Variants in KCNC2 observed in about 807,000 individuals in gnomAD.
KCNC2 encodes the protein voltage-gated potassium channel KCNC2.
KCNC2 carries 21 observed loss-of-function variants against 44.5 expected under a neutral mutation model. The observed-to-expected ratio is 0.47, with a 90% CI of 0.33 to 0.68. The LOEUF (loss-of-function observed/expected upper bound fraction) is 0.68. KCNC2 is among the 30% of genes least tolerant of loss of function. KCNC2 has a pLI of 0.01. For missense variants in KCNC2, 589 were observed against 826.2 expected (o/e 0.71, Z 3.52); for synonymous variants, 391 against 339.1 (o/e 1.15, Z -1.68).
chr12:75,142,858 A>G (rs1889752194), intron 2 of KCNC2, among the ~76,000 whole-genome samples: 1 of 152,220 alleles, frequency 6.6e-6, no homozygotes, highest in South Asian at 2.1e-4. Flanking sequence ...CTATAGCCAC[A>G]AGTCCGCCTG....
chr12:75,149,577 A>G (rs1488764769), intron 2 of KCNC2, among the ~76,000 whole-genome samples: 1 of 151,870 alleles, frequency 6.6e-6, no homozygotes, highest in Non-Finnish European at 1.5e-5. Flanking sequence ...TCTGTCCACA[A>G]ACATTTTAGT....
chr12:75,062,041 T>C (rs190723836), intron 2 of KCNC2, among the ~76,000 whole-genome samples: 6 of 152,210 alleles, frequency 3.9e-5, no homozygotes, highest in Admixed American at 2.6e-4. Context: ...ATAACAATAG[T>C]AATAATAACA....
At position 75,100,181 on chromosome 12, in the gene KCNC2, GT is replaced by G. The variant is rs1161597384; in HGVS notation, c.688-48865del. Among the ~76,000 whole-genome samples the G allele has an allele frequency of 3.9e-5, 6 of 152,122 alleles. No homozygotes were observed. In the East Asian group the frequency reaches 1.2e-3, roughly 29 times the overall value. On this transcript the variant is annotated intron_variant, in intron 2 of 4. Transcript: ENST00000549446. Reference sequence around the variant, plus strand: ...CATTAAATAGTAGGCGAGTTCTATAGTCTTTTTCATATCTCAGAGAAAATGG... The same window carrying G: ...CATTAAATAGTAGGCGAGTTCTATAGCTTTTTCATATCTCAGAGAAAATGG...
intron 2 of KCNC2, among the ~76,000 whole-genome samples, chr12:75,184,290 CT>C (rs1352336345): frequency 2.0e-5 from 3 of 152,030 alleles, no homozygotes; most frequent in Non-Finnish European, 4.4e-5. Flanking sequence ...ATTACATAGG[CT>C]TTTACAGGCT....
At chr12:75,192,588 T>A (rs896708613) in intron 2 of KCNC2, among the ~76,000 whole-genome samples, 1 of 152,208 alleles carries the variant, frequency 6.6e-6, no homozygotes, top group African/African-American at 2.4e-5. Flanking sequence ...TCATTTACTG[T>A]TAGTCTAAAA....
intron 2 of KCNC2, among the ~76,000 whole-genome samples, chr12:75,055,384 T>A (rs768791278): frequency 6.6e-6 from 1 of 152,070 alleles, no homozygotes; most frequent in Non-Finnish European, 1.5e-5. Context: ...CCAAATGTCG[T>A]CAATAGTACC....
At chr12:75,167,455 T>C (rs2137559195) in intron 2 of KCNC2, among the ~76,000 whole-genome samples, 1 of 151,432 alleles carries the variant, frequency 6.6e-6, no homozygotes, top group South Asian at 2.1e-4. Flanking sequence ...GAAATAGTAA[T>C]AATTACAAGG....
chr12:75,051,079 T>G lies in KCNC2; in HGVS notation c.926A>C (p.Glu309Ala). 6.2e-7 allele frequency: 1 copy of G among 1,613,748 alleles called. No individual in the cohort carries two copies. The highest frequency in any genetic ancestry group is 8.5e-7 in the Non-Finnish European group (1 of 1,179,794). Residue 309 changes from glutamate to alanine, a missense_variant, in exon 3 of 5, where the codon GAA (glutamate) becomes GCA (alanine). By Grantham distance (107) the Glu-to-Ala change is moderately radical. Transcript: ENST00000549446. ...GATATTCAAGAGATTTTTGATGAATTCAAGTTTATTGGGTGAAAAAACAAT... is the reference window on the plus strand; with the variant it reads ...GATATTCAAGAGATTTTTGATGAATGCAAGTTTATTGGGTGAAAAAACAAT... ...VRIVFSPNKL[E>A]FIKNLLNIID... is the part of the protein sequence containing the mutation.
chr12:75,154,084 C>A (rs921961856), intron 2 of KCNC2, among the ~76,000 whole-genome samples: 2 of 151,984 alleles, frequency 1.3e-5, no homozygotes, highest in Non-Finnish European at 2.9e-5. Context: ...TACAATATAT[C>A]TCCTAATAAA....
At chr12:75,087,598 C>T (rs1464060567) in intron 2 of KCNC2, among the ~76,000 whole-genome samples, 1 of 152,038 alleles carries the variant, frequency 6.6e-6, no homozygotes, top group African/African-American at 2.4e-5. Context: ...TTTTTATGCT[C>T]ATGATCTTAA....
intron 2 of KCNC2, among the ~76,000 whole-genome samples, chr12:75,101,255 T>TA (rs778193984): frequency 6.6e-6 from 1 of 152,046 alleles, no homozygotes; most frequent in African/African-American, 2.4e-5. Flanking sequence ...GTTTGCTTGA[T>TA]AAAAAATATG....
At chr12:75,148,813 T>A (rs1306879426) in intron 2 of KCNC2, among the ~76,000 whole-genome samples, 1 of 151,982 alleles carries the variant, frequency 6.6e-6, no homozygotes, top group Non-Finnish European at 1.5e-5. Context: ...TTAGTCAATA[T>A]TCTGAATTCA....
chr12:75,100,620 A>G (rs1365237029), intron 2 of KCNC2, among the ~76,000 whole-genome samples: 2 of 152,058 alleles, frequency 1.3e-5, no homozygotes, highest in Non-Finnish European at 2.9e-5. Context: ...CAAGGTTACT[A>G]TCATATATTC....
chr12:75,165,673 A>G (rs890783342), intron 2 of KCNC2, among the ~76,000 whole-genome samples: 6 of 151,542 alleles, frequency 4.0e-5, no homozygotes, highest in Non-Finnish European at 7.4e-5. Flanking sequence ...ATTACATACT[A>G]CAGAAAGTGG....
At chr12:75,082,895 T>C (rs1401579578) in intron 2 of KCNC2, among the ~76,000 whole-genome samples, 1 of 151,682 alleles carries the variant, frequency 6.6e-6, no homozygotes, top group Non-Finnish European at 1.5e-5. Flanking sequence ...CAGATAGAGA[T>C]AGAACTGGAG....
At chr12:75,070,103 A>G (rs12317305) in intron 2 of KCNC2, among the ~76,000 whole-genome samples, 4,897 of 152,308 alleles carry the variant, frequency 0.032, 237 homozygotes, top group African/African-American at 0.11. Flanking sequence ...CACTTAATGA[A>G]TAAAAGAATA....
At chr12:75,142,835 C>T (rs533599950) in intron 2 of KCNC2, among the ~76,000 whole-genome samples, 9 of 152,298 alleles carry the variant, frequency 5.9e-5, no homozygotes, top group Non-Finnish European at 7.3e-5. Context: ...TGAGAAGTCA[C>T]ACAGTGACAC....
chr12:75,091,388 A>C (rs1211315205), intron 2 of KCNC2, among the ~76,000 whole-genome samples: 1 of 151,730 alleles, frequency 6.6e-6, no homozygotes, highest in Non-Finnish European at 1.5e-5. Flanking sequence ...AAAAGCAAAG[A>C]ATTTGCTGAA....
intron 2 of KCNC2, among the ~76,000 whole-genome samples, chr12:75,106,868 CAT>C (rs1325221515): frequency 1.3e-5 from 2 of 152,172 alleles, no homozygotes; most frequent in East Asian, 1.9e-4. Flanking sequence ...AGATTTAACA[CAT>C]GTTAATATTT....
Sources: gnomAD v4.1 joint callset for allele counts (sites outside exome capture counted in the v4.1 genomes callset) on GRCh38, gnomAD v4.1.1 for gene constraint, MANE v1.5 for transcripts, NCBI Gene and HGNC (gene_info 2026-07-23, HGNC 2026-07-21) for gene names.